KALRN: variants seen among roughly 807,000 people sequenced by gnomAD.
KALRN encodes kalirin.
A neutral mutation model predicts 353.7 loss-of-function variants in KALRN; 70 were observed. That is an observed-to-expected ratio of 0.20 (90% CI 0.16 to 0.24). The LOEUF (loss-of-function observed/expected upper bound fraction) is 0.24, where lower values mean the gene tolerates loss of function less well. KALRN is among the 10% of genes least tolerant of loss of function. The pLI is 1.00. For synonymous variants in KALRN, 1,391 were observed against 1,434.8 expected, an observed-to-expected ratio of 0.97 and a Z score of 0.69; for missense variants, 2,791 against 3,756.7, an observed-to-expected ratio of 0.74 and a Z score of 6.72.
chr3:124,593,454 A>G (rs1034220635), intron 34 of KALRN, among the ~76,000 whole-genome samples: 1 of 152,168 alleles, frequency 6.6e-6, no homozygotes, highest in African/African-American at 2.4e-5. Context: ...TAAGCCCTCC[A>G]GGTGGTTGTG....
At chr3:124,511,940 T>A (rs2065951658) in intron 33 of KALRN, among the ~76,000 whole-genome samples, 1 of 152,222 alleles carries the variant, frequency 6.6e-6, no homozygotes, top group African/African-American at 2.4e-5. Context: ...GGTTAGTTTT[T>A]AATCTCAACC....
intron 25 of KALRN, among the ~76,000 whole-genome samples, chr3:124,470,790 C>CTGA (rs1477588658): frequency 6.6e-6 from 1 of 152,188 alleles, no homozygotes; most frequent in Non-Finnish European, 1.5e-5. Context: ...GAGACAAAGT[C>CTGA]TGATACTCGC....
intron 10 of KALRN, among the ~76,000 whole-genome samples, chr3:124,368,163 G>A (rs1280617649): frequency 1.3e-5 from 1 of 77,320 alleles, no homozygotes; most frequent in African/African-American, 5.3e-5. Context: ...CCTCCCTCCC[G>A]GACAGCACGG....
chr3:124,094,873 G>A (rs1005426222), intron 1 of KALRN: 2 of 1,614,118 alleles, frequency 1.2e-6, no homozygotes, highest in Non-Finnish European at 1.7e-6. Flanking sequence ...GGTATCTCTG[G>A]TATCTCCGCT....
rs1225971750 is a variant in KALRN at position 124,334,315 on chromosome 3, C to T, written c.1467C>T (p.Ser489=). ...TTGATGTGCTGCAGCGGCCCCTGAG[C>T]CCTGGGAACTCCGAATCCCTCACGG... ...ALLDVLQRPL[S]PGNSESLTAT... The change falls in exon 9 of 60, where the codon AGC becomes AGT. Residue 489 remains serine, a synonymous_variant. Coordinates refer to ENST00000682506, the MANE Select transcript of KALRN (RefSeq NM_001388419.1). This position sits in a 1 kb window ranked among gnomAD's most constrained non-coding sequence, Gnocchi z 4.2. 1.2e-6 allele frequency: 2 copies of T among 1,614,256 alleles called. No homozygotes were observed. The highest frequency in any genetic ancestry group is 1.7e-6 in the Non-Finnish European group (2 of 1,180,050).
At chr3:124,537,752 T>C (rs2068652127) in intron 33 of KALRN, among the ~76,000 whole-genome samples, 1 of 152,040 alleles carries the variant, frequency 6.6e-6, no homozygotes, top group Non-Finnish European at 1.5e-5. Context: ...AGCAGATGAG[T>C]AGGAAAGACT....
At chr3:124,428,122 A>T (rs1331619619) in intron 15 of KALRN, among the ~76,000 whole-genome samples, 1 of 152,220 alleles carries the variant, frequency 6.6e-6, no homozygotes, top group African/African-American at 2.4e-5. Flanking sequence ...AAGAATAACT[A>T]GCCAGTTTTA....
intron 6 of KALRN, among the ~76,000 whole-genome samples, chr3:124,320,167 C>T (rs1009601309): frequency 5.9e-5 from 9 of 152,122 alleles, no homozygotes; most frequent in Admixed American, 1.3e-4. Context: ...TACCGTGGCT[C>T]TCAGCTGGTT....
At chr3:124,620,558 C>A (rs1256907033) in intron 34 of KALRN, among the ~76,000 whole-genome samples, 8 of 152,200 alleles carry the variant, frequency 5.3e-5, no homozygotes. Context: ...AATATTTACT[C>A]TTAGAAGAGC....
At chr3:124,411,432 G>GTTTTTTTTTT (rs1560849512) in intron 13 of KALRN, among the ~76,000 whole-genome samples, 7 of 36,236 alleles carry the variant, frequency 1.9e-4, no homozygotes, top group African/African-American at 2.9e-4. Context: ...TTTAAATTAT[G>GTTTTTTTTTT]CTTTTTTTTT....
intron 33 of KALRN, among the ~76,000 whole-genome samples, chr3:124,518,107 A>G (rs2066825581): frequency 6.6e-6 from 1 of 152,170 alleles, no homozygotes; most frequent in Non-Finnish European, 1.5e-5. Context: ...TATGGATTTG[A>G]GTTCCAACCA....
rs58694397 is a variant in KALRN at position 124,287,770 on chromosome 3, GATATATATATATATATATATATATATAT to G, written c.970-10992_970-10965del. ...GAAAATCAATGGTAGGGCCTAGGAAGATATATATATATATATATATATATATATATATATATATATATATATATATATA... is the reference window on the plus strand; with the variant it reads ...GAAAATCAATGGTAGGGCCTAGGAAGATATATATATATATATATATATATA... On this transcript the variant is annotated intron_variant, in intron 5 of 59. Coordinates refer to ENST00000682506, the MANE Select transcript of KALRN (RefSeq NM_001388419.1). Among the ~76,000 whole-genome samples the G allele has an allele frequency of 4.7e-3, 539 of 114,606 alleles. 11 individuals are homozygous for G. Among genetic ancestry groups the G allele is most frequent in the Middle Eastern group, 0.03 (6 of 200 alleles). 75.2% of individuals were successfully genotyped at this position (114,606 alleles called of 152,430 possible). A position where few individuals can be genotyped will look rare whatever the true frequency, so the allele number is the denominator to read the frequency against.
Position 124,724,232 on chromosome 3 carries a change from A to C in KALRN, c.*4762A>C, listed in dbSNP as rs1363017454. 2.0e-5 allele frequency: 3 copies of C among 152,196 alleles called. No individual in the cohort carries two copies. Among genetic ancestry groups the C allele is most frequent in the Non-Finnish European group, 4.4e-5 (3 of 68,030 alleles). The allele number at this position is 152,196 out of a possible 1,614,324, so 9.4% of individuals were successfully genotyped here. On this transcript the variant is annotated 3_prime_UTR_variant, in exon 60 of 60. Transcript: ENST00000682506. ...CATTAACTAAAACTTTGTCCCATGC[A>C]TTTAATACAGGAGGAAATTATTTTG...
At chr3:124,057,296 G>A (rs906992237) in intron 1 of KALRN, among the ~76,000 whole-genome samples, 3 of 152,150 alleles carry the variant, frequency 2.0e-5, no homozygotes, top group Admixed American at 6.5e-5. Flanking sequence ...AGAGAGTGAG[G>A]AACTGGGATT....
chr3:124,677,536 A>G (rs1486712433), intron 49 of KALRN: 1 of 455,454 alleles, frequency 2.2e-6, no homozygotes, highest in Non-Finnish European at 4.4e-6. Flanking sequence ...AGGCTGACAA[A>G]GCCATATATT....
Position 124,726,193 on chromosome 3 carries a change from T to C in KALRN, c.*6723T>C, listed in dbSNP as rs1207933894. The C allele has an allele frequency of 6.6e-6, 1 of 152,216 alleles. No individual in the cohort carries two copies. The highest frequency in any genetic ancestry group is 2.4e-5 in the African/African-American group (1 of 41,452). The allele number at this position is 152,216 out of a possible 1,614,324, so 9.4% of individuals were successfully genotyped here. A position where few individuals can be genotyped will look rare whatever the true frequency, so the allele number is the denominator to read the frequency against. On this transcript the variant is annotated 3_prime_UTR_variant, in exon 60 of 60. Transcript: ENST00000682506. ...TTTATTTGTAAGTCAAAATCACTCATGTGTAATGTTGTAAAGTGATGACCT... is the reference window on the plus strand; with the variant it reads ...TTTATTTGTAAGTCAAAATCACTCACGTGTAATGTTGTAAAGTGATGACCT...
At chr3:124,263,445 C>T (rs904585836) in intron 3 of KALRN, among the ~76,000 whole-genome samples, 12 of 152,224 alleles carry the variant, frequency 7.9e-5, no homozygotes, top group African/African-American at 1.4e-4. Flanking sequence ...GGCATGGTGG[C>T]GCAAGCCTGT....
At chr3:124,055,587 G>A (rs2041455550) in intron 1 of KALRN, among the ~76,000 whole-genome samples, 1 of 152,170 alleles carries the variant, frequency 6.6e-6, no homozygotes. Flanking sequence ...GCCTGTTTGT[G>A]ATTTCCCCCT....
At chr3:124,220,827 C>G (rs1424314204) in intron 1 of KALRN, among the ~76,000 whole-genome samples, 1 of 152,222 alleles carries the variant, frequency 6.6e-6, no homozygotes, top group East Asian at 1.9e-4. Flanking sequence ...AGTGCCCCTA[C>G]CCCCTATTCT....
Sources: gnomAD v4.1 joint callset for allele counts (sites outside exome capture counted in the v4.1 genomes callset) on GRCh38, gnomAD v4.1.1 for gene constraint, Gnocchi (gnomAD v3.1) non-coding constraint, MANE v1.5 for transcripts, NCBI Gene and HGNC (gene_info 2026-07-23, HGNC 2026-07-21) for gene names.